The following NREP variants were observed in gnomAD, a reference collection of about 807,000 sequenced individuals.
NREP encodes the protein neuronal regeneration-related protein.
In NREP, 5 loss-of-function variants were observed where a neutral mutation model predicts 8.6. The observed-to-expected ratio is 0.58, with a 90% confidence interval of 0.30 to 1.22. NREP has a LOEUF of 1.22. Among genes scored for constraint, NREP ranks in the 50% most tolerant of loss-of-function variants. The pLI is 0.07. For synonymous variants in NREP, 27 were observed against 28.0 expected (o/e 0.96, Z 0.11); for missense variants, 86 against 82.5 (o/e 1.04, Z -0.17).
intron 2 of NREP, among the ~76,000 whole-genome samples, chr5:111,935,157 T>C (rs937865593): frequency 4.6e-5 from 7 of 152,134 alleles, no homozygotes; most frequent in South Asian, 4.1e-4. Flanking sequence ...CTTTGATACA[T>C]TGCACTCAGA....
intron 2 of NREP, among the ~76,000 whole-genome samples, chr5:111,836,331 G>A (rs1437430221): frequency 2.0e-5 from 3 of 152,086 alleles, no homozygotes; most frequent in Non-Finnish European, 2.9e-5. Context: ...TCTGAAGAAC[G>A]AGTAGATCTG....
chr5:111,867,094 A>T (rs949124305), intron 2 of NREP, among the ~76,000 whole-genome samples: 21 of 152,034 alleles, frequency 1.4e-4, no homozygotes, highest in Non-Finnish European at 4.4e-5. Flanking sequence ...ATGTATACAT[A>T]CGTAACTAAC....
At chr5:111,892,937 A>G (rs1751281223) in intron 2 of NREP, among the ~76,000 whole-genome samples, 1 of 152,220 alleles carries the variant, frequency 6.6e-6, no homozygotes, top group African/African-American at 2.4e-5. Flanking sequence ...GAAAATACTG[A>G]TTAAGCAAAC....
At chr5:111,912,562 A>T (rs1457766439) in intron 2 of NREP, 1 of 152,062 alleles carries the variant, frequency 6.6e-6, no homozygotes, top group Non-Finnish European at 1.5e-5. Flanking sequence ...TTTGTGCCCA[A>T]ACTTCAGACC....
chr5:111,957,221 A>G (rs1170449721), intron 2 of NREP, among the ~76,000 whole-genome samples: 1 of 152,114 alleles, frequency 6.6e-6, no homozygotes, highest in African/African-American at 2.4e-5. Flanking sequence ...TAAAATGGTA[A>G]TTAACATCAG....
chr5:111,802,516 G>C (rs4957979), intron 2 of NREP, among the ~76,000 whole-genome samples: 1 of 151,898 alleles, frequency 6.6e-6, no homozygotes, highest in Non-Finnish European at 1.5e-5. Context: ...GTGTACATAC[G>C]GCAGAGCTCC....
In NREP at chr5:111,730,309, AAAT is replaced by A. The variant is rs1366319827; in HGVS notation, c.*609_*611del. 2.0e-5 allele frequency: 3 copies of A among 152,710 alleles called. No individual in the cohort carries two copies. The East Asian group carries it at 5.8e-4, about 29-fold the overall frequency. The allele number at this position is 152,710 out of a possible 1,614,324, so 9.5% of individuals were successfully genotyped here. Reference sequence around the variant, plus strand: ...CACCTTCTTAGAACATGGAAATAAAAAATAACTCCATCAGAGCTACCTCGCCAA... The same window carrying A: ...CACCTTCTTAGAACATGGAAATAAAAAACTCCATCAGAGCTACCTCGCCAA... On this transcript the variant is annotated 3_prime_UTR_variant, in exon 4 of 4. Transcript: ENST00000257435.
At position 111,735,708 on chromosome 5, in the gene NREP, G is replaced by C. The variant is rs554602266; in HGVS notation, c.4-201C>G. ...ACTGCACTCAGGAGAGTTTCAGCTCGATGTCTTCCAAGATTAAGTCCAATA... is the reference window on the plus strand; with the variant it reads ...ACTGCACTCAGGAGAGTTTCAGCTCCATGTCTTCCAAGATTAAGTCCAATA... On this transcript the variant is annotated intron_variant, in intron 2 of 3. Transcript: ENST00000257435. Among the ~76,000 whole-genome samples, 3 of 152,282 alleles carry C rather than the reference G, an allele frequency of 2.0e-5. No individual in the cohort carries two copies. The South Asian group carries it at 6.2e-4, about 32-fold the overall frequency.
intron 2 of NREP, among the ~76,000 whole-genome samples, chr5:111,864,024 A>G (rs1753610163): frequency 6.6e-6 from 1 of 152,180 alleles, no homozygotes; most frequent in Non-Finnish European, 1.5e-5. Flanking sequence ...AAGATTCAAG[A>G]GAATGAGTCA....
chr5:111,939,024 C>G (rs1206048153), intron 2 of NREP, among the ~76,000 whole-genome samples: 1 of 152,062 alleles, frequency 6.6e-6, no homozygotes, highest in Non-Finnish European at 1.5e-5. Context: ...GTATCTTACT[C>G]ATAATCTATC....
chr5:111,832,902 A>C (rs1259243378), intron 2 of NREP, among the ~76,000 whole-genome samples: 2 of 152,168 alleles, frequency 1.3e-5, no homozygotes, highest in African/African-American at 4.8e-5. Context: ...AAAATCAAGG[A>C]TTAGACTCAA....
chr5:111,967,888 T>C (rs1756690391), intron 2 of NREP, among the ~76,000 whole-genome samples: 1 of 152,222 alleles, frequency 6.6e-6, no homozygotes, highest in African/African-American at 2.4e-5. Context: ...GAATAATTCA[T>C]GAAAAGTAAA....
intron 2 of NREP, among the ~76,000 whole-genome samples, chr5:111,885,574 C>T (rs1466413421): frequency 7.2e-5 from 11 of 152,136 alleles, no homozygotes; most frequent in African/African-American, 2.4e-4. Context: ...TCAAACTATA[C>T]TACAAGGCTA....
At chr5:111,901,092 G>A (rs1238587635) in intron 2 of NREP, among the ~76,000 whole-genome samples, 2 of 152,102 alleles carry the variant, frequency 1.3e-5, no homozygotes, top group Non-Finnish European at 2.9e-5. Flanking sequence ...AGGGATGCAA[G>A]AATGGTTCAA....
At chr5:111,859,490 C>A (rs2112479323) in intron 2 of NREP, among the ~76,000 whole-genome samples, 1 of 152,142 alleles carries the variant, frequency 6.6e-6, no homozygotes, top group Non-Finnish European at 1.5e-5. Context: ...AAGATCTCCT[C>A]TGGCTATTTA....
intron 2 of NREP, among the ~76,000 whole-genome samples, chr5:111,790,325 C>G (rs191031978): frequency 1.4e-5 from 2 of 139,676 alleles, no homozygotes; most frequent in Admixed American, 1.5e-4. Flanking sequence ...GGAATCTTCA[C>G]CCTATACTTC....
intron 1 of NREP, chr5:111,756,296 TAAA>T: frequency 8.1e-4 from 192 of 237,340 alleles, no homozygotes; most frequent in Middle Eastern, 4.2e-3. Context: ...CTTCCGTGTT[TAAA>T]AAAAAAAAAA....
chr5:111,884,696 G>A (rs1259472877), intron 2 of NREP, among the ~76,000 whole-genome samples: 1 of 152,104 alleles, frequency 6.6e-6, no homozygotes, highest in Non-Finnish European at 1.5e-5. Context: ...ATGCAGTCCA[G>A]CATATAAACA....
intron 2 of NREP, among the ~76,000 whole-genome samples, chr5:111,937,666 C>T (rs1755720951): frequency 6.6e-6 from 1 of 152,024 alleles, no homozygotes; most frequent in Non-Finnish European, 1.5e-5. Context: ...CTATTTTCCC[C>T]AAAGGAAAAA....
Sources: gnomAD v4.1 joint callset for allele counts (sites outside exome capture counted in the v4.1 genomes callset) on GRCh38, gnomAD v4.1.1 for gene constraint, MANE v1.5 for transcripts, NCBI Gene and HGNC (gene_info 2026-07-23, HGNC 2026-07-21) for gene names.